SPRY3: variants seen among roughly 807,000 people sequenced by gnomAD.
The protein encoded by SPRY3 is protein sprouty homolog 3.
A neutral mutation model predicts 20.2 loss-of-function variants in SPRY3; 15 were observed. The ratio of observed to expected loss-of-function variants is 0.74; its 90% CI spans 0.50 to 1.14. The LOEUF (loss-of-function observed/expected upper bound fraction) is 1.14. Among genes scored for constraint, SPRY3 ranks in the 50% most tolerant of loss-of-function variants. The probability of loss-of-function intolerance (pLI) is 0.00; values close to 1 mark genes in which losing one functional copy is unlikely to be tolerated. For missense variants in SPRY3, 364 were observed against 363.9 expected (o/e 1.00, Z 0.00); for synonymous variants, 143 against 136.5 (o/e 1.05, Z -0.33).
chrX:155,647,030 T>A (rs377658329), intron 1 of SPRY3, among the ~76,000 whole-genome samples: 1 of 112,150 alleles, frequency 8.9e-6, no homozygotes, highest in African/African-American at 3.2e-5. Flanking sequence ...AAGTGCTTTT[T>A]CTGCCTCTGT....
chrX:155,638,985 A>G (rs782731941), intron 1 of SPRY3, among the ~76,000 whole-genome samples: 1 of 111,414 alleles, frequency 9.0e-6, no homozygotes, highest in East Asian at 2.8e-4. Context: ...ATTTCAAAGC[A>G]TCTATCTCTA....
intron 1 of SPRY3, among the ~76,000 whole-genome samples, chrX:155,617,278 T>A (rs1251932266): frequency 1.8e-5 from 2 of 110,311 alleles, no homozygotes; most frequent in African/African-American, 6.6e-5. Context: ...AGGTTCTTAG[T>A]TGCATGCAAC....
At chrX:155,704,881 T>C in intron 2 of SPRY3, among the ~76,000 whole-genome samples, 1 of 151,702 alleles carries the variant, frequency 6.6e-6, no homozygotes, top group South Asian at 2.1e-4. Context: ...GTAGAAAGAA[T>C]AATTTGTCAA....
chrX:155,671,444 C>T (rs2068040308), intron 2 of SPRY3, among the ~76,000 whole-genome samples: 1 of 110,854 alleles, frequency 9.0e-6, no homozygotes, highest in African/African-American at 3.3e-5. Flanking sequence ...AATGACCTGC[C>T]AAGGGCTATG....
exon 4 of SPRY3, chrX:155,773,811 C>T: frequency 6.4e-7 from 1 of 1,559,866 alleles, no homozygotes; most frequent in Non-Finnish European, 8.7e-7. Context: ...AAGGGCTCCT[C>T]TTTATCACCA....
intron 2 of SPRY3, among the ~76,000 whole-genome samples, chrX:155,707,710 A>G (rs2090961217): frequency 6.6e-6 from 1 of 151,164 alleles, no homozygotes; most frequent in African/African-American, 2.4e-5. Context: ...CTTAAAGTCT[A>G]TGTACTCATA....
At chrX:155,722,682 T>C (rs1401509555) in intron 2 of SPRY3, among the ~76,000 whole-genome samples, 4 of 151,954 alleles carry the variant, frequency 2.6e-5, no homozygotes, top group African/African-American at 9.7e-5. Context: ...TTATCAAACA[T>C]AACATTGAAA....
downstream of SPRY3, chrX:155,781,031 T>TC (rs1444492811): frequency 7.1e-6 from 1 of 141,702 alleles, no homozygotes; most frequent in Non-Finnish European, 1.6e-5. Context: ...CCTATAGCTC[T>TC]CCATCTGGAA....
At chrX:155,780,613 G>T (rs2091457584), downstream of SPRY3, 1 of 166,860 alleles carries the variant, frequency 6.0e-6, no homozygotes, top group African/African-American at 2.4e-5. Context: ...TATAGTCTTG[G>T]ATAGAAAATC....
chrX:155,748,468 A>C (rs2091240338), intron 2 of SPRY3, among the ~76,000 whole-genome samples: 2 of 151,846 alleles, frequency 1.3e-5, no homozygotes. Flanking sequence ...TAATTTTGTC[A>C]GCAGAAACCT....
At chrX:155,737,811 A>G (rs779615600) in intron 2 of SPRY3, among the ~76,000 whole-genome samples, 1 of 152,308 alleles carries the variant, frequency 6.6e-6, no homozygotes, top group East Asian at 1.9e-4. Flanking sequence ...GGAGGTGTTG[A>G]AAGAATTTAA....
chrX:155,779,755 AT>A (rs2091452595), downstream of SPRY3: 2 of 167,038 alleles, frequency 1.2e-5, no homozygotes, highest in South Asian at 4.1e-4. Context: ...TTTTTAAAAA[AT>A]ATTTCAGCCA....
intron 2 of SPRY3, among the ~76,000 whole-genome samples, chrX:155,719,097 C>T (rs1181309345): frequency 6.6e-6 from 1 of 152,186 alleles, no homozygotes; most frequent in Non-Finnish European, 1.5e-5. Flanking sequence ...ACCACCCCCA[C>T]AATGTGCCCT....
chrX:155,772,279 C>G (rs959566370), intron 3 of SPRY3, among the ~76,000 whole-genome samples: 3 of 152,142 alleles, frequency 2.0e-5, no homozygotes, highest in South Asian at 2.1e-4. Context: ...CAAAAGTCAA[C>G]TGAGTCTGGT....
At chrX:155,707,943 G>T (rs1342452809) in intron 2 of SPRY3, among the ~76,000 whole-genome samples, 1 of 151,144 alleles carries the variant, frequency 6.6e-6, no homozygotes, top group East Asian at 1.9e-4. Context: ...AGATTTACAT[G>T]TGATCTTTGC....
At chrX:155,631,058 T>C (rs2067904872) in intron 1 of SPRY3, among the ~76,000 whole-genome samples, 2 of 110,912 alleles carry the variant, frequency 1.8e-5, no homozygotes, top group African/African-American at 6.6e-5. Flanking sequence ...GTAGTGAGCA[T>C]AGTACCCAGT....
intron 2 of SPRY3, among the ~76,000 whole-genome samples, chrX:155,688,216 C>T (rs1054710383): frequency 9.9e-5 from 11 of 110,673 alleles, no homozygotes; most frequent in African/African-American, 3.6e-4. Flanking sequence ...GACATGATCT[C>T]GTTCCTTTTT....
At chrX:155,667,395 A>G (rs893083912) in intron 2 of SPRY3, among the ~76,000 whole-genome samples, 3 of 111,110 alleles carry the variant, frequency 2.7e-5, no homozygotes, top group African/African-American at 9.8e-5. Context: ...TGGGACTCCA[A>G]ATGGTAAGAG....
intron 2 of SPRY3, among the ~76,000 whole-genome samples, chrX:155,658,219 T>A (rs1439996142): frequency 8.9e-6 from 1 of 111,767 alleles, no homozygotes; most frequent in Non-Finnish European, 1.9e-5. Context: ...TTTTTTCTAA[T>A]TCTGTGGAAA....
Sources: allele counts gnomAD v4.1 joint callset (sites outside exome capture counted in the v4.1 genomes callset), GRCh38; gene constraint gnomAD v4.1.1; transcripts MANE v1.5; gene names NCBI Gene and HGNC (gene_info 2026-07-23, HGNC 2026-07-21).